Variants in MKLN1 observed in about 807,000 individuals in gnomAD.
MKLN1 encodes muskelin 1, also known as muskelin.
A neutral mutation model predicts 99.0 loss-of-function variants in MKLN1; 18 were observed. The ratio of observed to expected loss-of-function variants is 0.18; its 90% CI spans 0.13 to 0.27. The LOEUF (loss-of-function observed/expected upper bound fraction) is 0.27, where lower values mean the gene tolerates loss of function less well. Ranked by LOEUF, MKLN1 falls within the 10% of genes least tolerant of loss-of-function variation. MKLN1 has a pLI of 1.00. For missense variants in MKLN1, 621 were observed against 875.9 expected (o/e 0.71, Z 3.67); for synonymous variants, 288 against 293.2 (o/e 0.98, Z 0.18).
chr7:131,141,485 C>T (rs77595220), intron 1 of MKLN1, among the ~76,000 whole-genome samples: 6,288 of 152,266 alleles, frequency 0.041, 188 homozygotes, highest in African/African-American at 0.087. Context: ...TCTACCTCCT[C>T]GAGAATGTGG....
At chr7:131,227,469 T>C (rs972532408) in intron 3 of MKLN1, among the ~76,000 whole-genome samples, 8 of 130,684 alleles carry the variant, frequency 6.1e-5, no homozygotes, top group Middle Eastern at 4.2e-3. Context: ...GTTTCTTTCT[T>C]TCTTTCTCTC....
intron 9 of MKLN1, among the ~76,000 whole-genome samples, chr7:131,434,755 T>A (rs561120865): frequency 6.6e-6 from 1 of 152,250 alleles, no homozygotes; most frequent in East Asian, 1.9e-4. Context: ...GATCTCTGTA[T>A]GTTGAACATG....
rs114293500 is a variant in MKLN1 at position 131,121,370 on chromosome 7, C to G, written c.-419+11163C>G. On this transcript the variant is annotated intron_variant, in intron 1 of 7. Coordinates refer to the MKLN1 transcript ENST00000416992. ...AGACTCTCATCAGAAACAGATGCAG[C>G]ACCACGTTTGTACAGCCAGCAGAAC... Among the ~76,000 whole-genome samples, 925 of 152,206 alleles carry G rather than the reference C, an allele frequency of 6.1e-3. 7 individuals are homozygous for G. The highest frequency in any genetic ancestry group is 0.021 in the African/African-American group (888 of 41,528).
chr7:131,324,088 G>C (rs1342731001), upstream of MKLN1, among the ~76,000 whole-genome samples: 1 of 152,140 alleles, frequency 6.6e-6, no homozygotes, highest in Non-Finnish European at 1.5e-5. Context: ...TGGTTCTGAG[G>C]CAGAGGCAGA....
chr7:131,418,568 G>A (rs1182188056), intron 8 of MKLN1, among the ~76,000 whole-genome samples: 1 of 152,160 alleles, frequency 6.6e-6, no homozygotes, highest in African/African-American at 2.4e-5. Context: ...GGGCCACATT[G>A]AAAGCCATCC....
chr7:131,136,380 A>G (rs1795649041), intron 1 of MKLN1, among the ~76,000 whole-genome samples: 1 of 152,216 alleles, frequency 6.6e-6, no homozygotes, highest in African/African-American at 2.4e-5. Flanking sequence ...TTGAAATAAT[A>G]ATGGAGATGG....
rs754736298 is a variant in MKLN1, at chr7:131,411,352, A to G, written c.750A>G (p.Arg250=). ...QYISQQEYKP[R]WSQIIPKSTK... ...TCAGTCAACAGGAATATAAGCCACGATGGAGTCAAATCATTCCCAAAAGTA... is the reference window on the plus strand; with the variant it reads ...TCAGTCAACAGGAATATAAGCCACGGTGGAGTCAAATCATTCCCAAAAGTA... Residue 250 remains arginine (R), a synonymous_variant, in exon 7 of 18, where the codon CGA becomes CGG. Coordinates refer to ENST00000352689, the MANE Select transcript of MKLN1 (RefSeq NM_013255.5). 4 of 1,611,906 alleles carry G rather than the reference A, an allele frequency of 2.5e-6. No homozygotes were observed. The highest frequency in any genetic ancestry group is 1.1e-5 in the South Asian group (1 of 91,026).
At chr7:131,190,275 A>C (rs747590642) in intron 2 of MKLN1, among the ~76,000 whole-genome samples, 29 of 152,084 alleles carry the variant, frequency 1.9e-4, no homozygotes, top group Non-Finnish European at 2.9e-4. Context: ...CCCTAATTAC[A>C]AGTTGGAGGC....
intron 1 of MKLN1, among the ~76,000 whole-genome samples, chr7:131,116,267 G>C (rs1338591683): frequency 1.3e-5 from 2 of 152,004 alleles, no homozygotes; most frequent in African/African-American, 4.8e-5. Flanking sequence ...GAGACATCAA[G>C]AATCAGTCTT....
chr7:131,284,466 G>C (rs796875153), intron 3 of MKLN1, among the ~76,000 whole-genome samples: 2 of 152,192 alleles, frequency 1.3e-5, no homozygotes, highest in South Asian at 4.1e-4. Context: ...GGATTGTCAC[G>C]CTGAGGTTAC....
rs554959871 is a variant in MKLN1 at position 131,407,686 on chromosome 7, GT to G, written c.704-3607del. Among the ~76,000 whole-genome samples the G allele has an allele frequency of 9.5e-3, 1,334 of 140,524 alleles. 17 individuals are homozygous for G. Among genetic ancestry groups the G allele is most frequent in the African/African-American group, 0.024 (941 of 38,604 alleles). The allele number at this position is 140,524 out of a possible 152,430, so 92.2% of individuals were successfully genotyped here. On this transcript the variant is annotated intron_variant, in intron 6 of 17. Transcript: ENST00000352689. ...TGCCAGACCCTTTTCCTGAAACATG[GT>G]TTTTTTTTTTTTCATAATTTTTGCT...
At chr7:131,297,926 T>C (rs1263702418) in intron 3 of MKLN1, among the ~76,000 whole-genome samples, 1 of 152,164 alleles carries the variant, frequency 6.6e-6, no homozygotes, top group Non-Finnish European at 1.5e-5. Flanking sequence ...TAATAGGAAA[T>C]TTTCTTTCTC....
At chr7:131,484,177 A>G (rs1797207879) in intron 17 of MKLN1, among the ~76,000 whole-genome samples, 2 of 152,214 alleles carry the variant, frequency 1.3e-5, no homozygotes, top group African/African-American at 4.8e-5. Context: ...GTCTAATGAT[A>G]GTGTAAGTTT....
chr7:131,365,348 C>T (rs1364617240), intron 1 of MKLN1, among the ~76,000 whole-genome samples: 5 of 152,122 alleles, frequency 3.3e-5, no homozygotes, highest in South Asian at 4.1e-4. Flanking sequence ...GTATATTAGA[C>T]CTTTGTCAGA....
chr7:131,247,565 C>T (rs1172980877), intron 3 of MKLN1, among the ~76,000 whole-genome samples: 1 of 152,010 alleles, frequency 6.6e-6, no homozygotes, highest in Non-Finnish European at 1.5e-5. Flanking sequence ...TTTACCTTTG[C>T]CCCCTCAAAT....
At position 131,444,874 on chromosome 7, in the gene MKLN1, G is replaced by A. The variant is rs925362829; in HGVS notation, c.1396-900G>A. Among the ~76,000 whole-genome samples the A allele has an allele frequency of 2.6e-5, 4 of 151,426 alleles. No homozygotes were observed. In the South Asian group the frequency reaches 6.3e-4, roughly 24 times the overall value. ...GACAGGGCCTTGCTGTGTTGCCCAG[G>A]CTGTCTCAAGCAATCCTCTCACCTT... On this transcript the variant is annotated intron_variant, in intron 11 of 17. Coordinates refer to ENST00000352689, the MANE Select transcript of MKLN1 (RefSeq NM_013255.5).
intron 3 of MKLN1, among the ~76,000 whole-genome samples, chr7:131,311,409 T>A (rs573649871): frequency 6.6e-6 from 1 of 152,286 alleles, no homozygotes; most frequent in East Asian, 1.9e-4. Context: ...TTATGACTGA[T>A]AACATATACC....
chr7:131,482,516 A>G (rs886400747), intron 17 of MKLN1, among the ~76,000 whole-genome samples: 2 of 152,210 alleles, frequency 1.3e-5, no homozygotes, highest in African/African-American at 4.8e-5. Context: ...AATAATGTGT[A>G]TGCTAGGAAA....
At chr7:131,178,445 C>T (rs1437890561) in intron 2 of MKLN1, among the ~76,000 whole-genome samples, 2 of 151,634 alleles carry the variant, frequency 1.3e-5, no homozygotes, top group East Asian at 1.9e-4. Context: ...ATTGTCTATC[C>T]CTAAGTACAA....
Sources: allele counts gnomAD v4.1 joint callset (sites outside exome capture counted in the v4.1 genomes callset), GRCh38; gene constraint gnomAD v4.1.1; transcripts MANE v1.5; gene names NCBI Gene and HGNC (gene_info 2026-07-23, HGNC 2026-07-21).